HMGCLL1: variants seen among roughly 807,000 people sequenced by gnomAD.
HMGCLL1 encodes the protein 3-hydroxy-3-methylglutaryl-CoA lyase like 1.
HMGCLL1 carries 36 observed loss-of-function variants against 39.1 expected under a neutral mutation model. The ratio of observed to expected loss-of-function variants is 0.92; its 90% CI spans 0.71 to 1.22. The LOEUF (loss-of-function observed/expected upper bound fraction) is 1.22, where lower values mean the gene tolerates loss of function less well. Ranked by LOEUF, HMGCLL1 falls within the 50% of genes most tolerant of loss-of-function variation. The pLI is 0.00. For missense variants in HMGCLL1, 451 were observed against 416.5 expected, an observed-to-expected ratio of 1.08 and a Z score of -0.72; for synonymous variants, 149 against 144.0, an observed-to-expected ratio of 1.03 and a Z score of -0.25.
the HMGCLL1 span, among the ~76,000 whole-genome samples, chr6:55,585,502 A>G: frequency 1.3e-5 from 2 of 152,134 alleles, no homozygotes; most frequent in Non-Finnish European, 2.9e-5. Context: ...GTGGGTTATA[A>G]TAAGATCTTA....
intron 3 of HMGCLL1, among the ~76,000 whole-genome samples, chr6:55,530,877 CAT>C (rs1450211322): frequency 1.3e-5 from 2 of 152,066 alleles, no homozygotes; most frequent in Non-Finnish European, 2.9e-5. Flanking sequence ...ATTCAAATAA[CAT>C]AACTCTTTAT....
the HMGCLL1 span, among the ~76,000 whole-genome samples, chr6:55,649,602 T>C: frequency 1.3e-5 from 2 of 151,982 alleles, no homozygotes; most frequent in Non-Finnish European, 2.9e-5. Flanking sequence ...AATCTTCTTG[T>C]ACTTGAATGT....
chr6:55,650,102 T>TATATATACACACATATAC, the HMGCLL1 span, among the ~76,000 whole-genome samples: 10 of 43,122 alleles, frequency 2.3e-4, no homozygotes, highest in African/African-American at 1.4e-3. Flanking sequence ...TATATATATA[T>TATATATACACACATATAC]ATATATATAT....
chr6:55,526,369 A>G (rs911934738), intron 3 of HMGCLL1, among the ~76,000 whole-genome samples: 8 of 152,050 alleles, frequency 5.3e-5, no homozygotes, highest in African/African-American at 1.9e-4. Context: ...CTCAATAACC[A>G]ACTTGACTTA....
At chr6:55,595,318 C>G in the HMGCLL1 span, among the ~76,000 whole-genome samples, 1 of 152,270 alleles carries the variant, frequency 6.6e-6, no homozygotes, top group African/African-American at 2.4e-5. Flanking sequence ...TAAATAAACG[C>G]TGTCAAATTA....
At position 55,566,538 on chromosome 6, in the gene HMGCLL1, T is replaced by C. The variant is rs866649441; in HGVS notation, c.108+12410A>G. On this transcript the variant is annotated intron_variant, in intron 1 of 8. Transcript: ENST00000274901. ...AAAAAAGAGCCCGAACACTGAATCC[T>C]AAACCGGAGACCATAGCTTAGACAT... is the stretch of plus-strand genomic sequence containing the variant. 3.1e-5 allele frequency: 14 copies of C among 452,024 alleles called. No individual in the cohort carries two copies. In the Middle Eastern group the frequency reaches 4.2e-3, roughly 137 times the overall value. The allele number at this position is 452,024 out of a possible 1,614,324, so 28.0% of individuals were successfully genotyped here. A position where few individuals can be genotyped will look rare whatever the true frequency, so the allele number is the denominator to read the frequency against.
the HMGCLL1 span, among the ~76,000 whole-genome samples, chr6:55,586,756 T>C: frequency 6.6e-6 from 1 of 152,096 alleles, no homozygotes; most frequent in East Asian, 1.9e-4. Context: ...TAGTATTCTA[T>C]GGTGGTGTAT....
At chr6:55,625,416 AC>A in the HMGCLL1 span, among the ~76,000 whole-genome samples, 2 of 152,148 alleles carry the variant, frequency 1.3e-5, no homozygotes, top group Admixed American at 1.3e-4. Context: ...CACTTTTGCC[AC>A]CCTGCCTTCT....
chr6:55,590,046 AAAC>A, the HMGCLL1 span, among the ~76,000 whole-genome samples: 1 of 152,152 alleles, frequency 6.6e-6, no homozygotes, highest in South Asian at 2.1e-4. Flanking sequence ...GAATTGAAAA[AAAC>A]TACTTTAAAG....
intron 7 of HMGCLL1, among the ~76,000 whole-genome samples, chr6:55,471,144 T>C (rs1765027607): frequency 6.6e-6 from 1 of 151,836 alleles, no homozygotes; most frequent in South Asian, 2.1e-4. Flanking sequence ...ATTGGTAAAT[T>C]TGTCTTTTTT....
chr6:55,542,844 TATAA>T (rs1377843043), intron 1 of HMGCLL1, among the ~76,000 whole-genome samples: 5 of 139,574 alleles, frequency 3.6e-5, no homozygotes, highest in East Asian at 4.0e-4. Flanking sequence ...ATGTATTATA[TATAA>T]ATATATATAT....
chr6:55,580,442 G>T (rs1771960053), upstream of HMGCLL1, among the ~76,000 whole-genome samples: 1 of 108,894 alleles, frequency 9.2e-6, no homozygotes. Flanking sequence ...TTGAGACGGA[G>T]TCTCGCTCTG....
chr6:55,501,920 C>A (rs962478990), intron 5 of HMGCLL1, among the ~76,000 whole-genome samples: 1 of 151,764 alleles, frequency 6.6e-6, no homozygotes, highest in Admixed American at 6.6e-5. Flanking sequence ...TATTTTCATT[C>A]AGCTTTGATT....
At chr6:55,464,886 C>T (rs897015541) in intron 7 of HMGCLL1, among the ~76,000 whole-genome samples, 4 of 152,254 alleles carry the variant, frequency 2.6e-5, no homozygotes, top group Admixed American at 6.6e-5. Flanking sequence ...CTTGTTTACT[C>T]TGTGCTCTTT....
chr6:55,594,004 A>C, the HMGCLL1 span, among the ~76,000 whole-genome samples: 21 of 152,270 alleles, frequency 1.4e-4, no homozygotes, highest in African/African-American at 4.8e-4. Flanking sequence ...AAAGAAGAGA[A>C]ATTATCACCA....
the HMGCLL1 span, among the ~76,000 whole-genome samples, chr6:55,609,976 A>T: frequency 6.6e-6 from 1 of 152,244 alleles, no homozygotes; most frequent in East Asian, 1.9e-4. Flanking sequence ...AACAAACAGA[A>T]AGCAACAACA....
chr6:55,573,446 C>A (rs1157743796), intron 1 of HMGCLL1, among the ~76,000 whole-genome samples: 1 of 152,000 alleles, frequency 6.6e-6, no homozygotes, highest in Non-Finnish European at 1.5e-5. Context: ...AATAAGTATT[C>A]AAGAATTTAT....
the HMGCLL1 span, among the ~76,000 whole-genome samples, chr6:55,590,086 C>T: frequency 2.6e-5 from 4 of 152,210 alleles, no homozygotes; most frequent in East Asian, 7.7e-4. Context: ...AAAGAACCCG[C>T]ATTGCCAAGT....
the HMGCLL1 span, among the ~76,000 whole-genome samples, chr6:55,612,811 A>G: frequency 6.6e-6 from 1 of 152,238 alleles, no homozygotes; most frequent in Non-Finnish European, 1.5e-5. Context: ...AGATGGATTA[A>G]AGACTTAAAT....
Sources: allele counts gnomAD v4.1 joint callset (sites outside exome capture counted in the v4.1 genomes callset), GRCh38; gene constraint gnomAD v4.1.1; transcripts MANE v1.5; gene names NCBI Gene and HGNC (gene_info 2026-07-23, HGNC 2026-07-21).